The following PTPRC variants were observed in gnomAD, a reference collection of about 807,000 sequenced individuals.
The protein encoded by PTPRC is protein tyrosine phosphatase receptor type C, also known as receptor-type tyrosine-protein phosphatase C.
Under a neutral mutation model 155.9 loss-of-function variants are expected in PTPRC, and 44 were observed. The observed-to-expected ratio is 0.28, with a 90% CI of 0.22 to 0.36. The LOEUF (loss-of-function observed/expected upper bound fraction) is 0.36. PTPRC is among the 10% of genes least tolerant of loss of function. The pLI is 1.00. For missense variants in PTPRC, 1,401 were observed against 1,564.6 expected (o/e 0.90, Z 1.76); for synonymous variants, 525 against 533.1 (o/e 0.98, Z 0.21).
intron 10 of PTPRC, among the ~76,000 whole-genome samples, chr1:198,709,152 T>C (rs1000536253): frequency 6.6e-6 from 1 of 152,208 alleles, no homozygotes; most frequent in Non-Finnish European, 1.5e-5. Context: ...AGATTGGGCA[T>C]CCCTAATCTG....
At chr1:198,679,917 C>T (rs1665204334) in intron 2 of PTPRC, 3 of 608,246 alleles carry the variant, frequency 4.9e-6, no homozygotes, top group African/African-American at 3.8e-5. Flanking sequence ...CCTAGGTGGG[C>T]GTCAGCACTT....
chr1:198,755,047 G>A (rs1456588163), intron 32 of PTPRC, among the ~76,000 whole-genome samples: 2 of 152,096 alleles, frequency 1.3e-5, no homozygotes, highest in African/African-American at 4.8e-5. Context: ...ACTTGTGTGA[G>A]ACCACTTGAG....
intron 2 of PTPRC, among the ~76,000 whole-genome samples, chr1:198,662,503 AC>A (rs1200498341): frequency 2.0e-4 from 30 of 151,386 alleles, no homozygotes; most frequent in African/African-American, 7.0e-4. Context: ...TAAACATGAG[AC>A]CATATTAGTA....
intron 2 of PTPRC, among the ~76,000 whole-genome samples, chr1:198,688,287 A>T (rs1011814419): frequency 4.6e-5 from 7 of 152,194 alleles, no homozygotes; most frequent in African/African-American, 1.4e-4. Flanking sequence ...GCATGAACAT[A>T]GAAGAAAGGA....
chr1:198,655,858 C>G (rs1307355379), intron 2 of PTPRC, among the ~76,000 whole-genome samples: 3 of 152,172 alleles, frequency 2.0e-5, no homozygotes, highest in Admixed American at 6.6e-5. Flanking sequence ...ACCCTAGCCA[C>G]CTTAACTGAA....
intron 14 of PTPRC, among the ~76,000 whole-genome samples, chr1:198,719,675 A>G (rs1386709610): frequency 6.6e-6 from 1 of 151,666 alleles, no homozygotes; most frequent in African/African-American, 2.4e-5. Flanking sequence ...TGGTGGCGTG[A>G]TCTCGGCTCA....
chr1:198,670,507 T>C (rs1664582566), intron 2 of PTPRC, among the ~76,000 whole-genome samples: 2 of 152,134 alleles, frequency 1.3e-5, no homozygotes, highest in African/African-American at 2.4e-5. Context: ...ATATATAATA[T>C]ACCCCAGAAA....
chr1:198,717,979 T>A (rs1653676135), intron 13 of PTPRC, 115 bp from the exon 14 acceptor site: 8 of 879,660 alleles, frequency 9.1e-6, no homozygotes, highest in South Asian at 8.9e-5. Flanking sequence ...AACTTCCTTA[T>A]TTATAACCCC....
chr1:198,652,290 G>T (rs1663295013), intron 2 of PTPRC, among the ~76,000 whole-genome samples: 1 of 151,760 alleles, frequency 6.6e-6, no homozygotes, highest in African/African-American at 2.4e-5. Context: ...ACTAGAAAGG[G>T]AGGGAGGGAG....
At position 198,705,966 on chromosome 1, in the gene PTPRC, G is replaced by A. The variant is rs1435767715; in HGVS notation, c.686-768G>A. ...ATTTCCTGCATAATCTTATTTTAGA[G>A]GTTTGTATGTCTCCTGCAATTCATG... On this transcript the variant is annotated intron_variant, in intron 8 of 32. Coordinates refer to ENST00000442510, the MANE Select transcript of PTPRC (RefSeq NM_002838.5). Among the ~76,000 whole-genome samples the A allele has an allele frequency of 2.0e-5, 3 of 152,068 alleles. No homozygotes were observed. In the South Asian group the frequency reaches 6.2e-4, roughly 31 times the overall value.
At chr1:198,654,763 A>G (rs1044926307) in intron 2 of PTPRC, among the ~76,000 whole-genome samples, 1 of 151,920 alleles carries the variant, frequency 6.6e-6, no homozygotes. Context: ...ATAGTAATAA[A>G]TATGTATAAC....
Position 198,699,396 on chromosome 1 carries a change from T to A in PTPRC, c.299-168T>A, listed in dbSNP as rs190115265. On this transcript the variant is annotated intron_variant, in intron 4 of 32. Coordinates refer to ENST00000442510, the MANE Select transcript of PTPRC (RefSeq NM_002838.5). ...TGTAAATAGAGGACTCAGGTGCCTG[T>A]CACTTTCCAGCCAAGCAAATTTAAA... 2.2e-3 allele frequency among the ~76,000 whole-genome samples: 340 copies of A among 152,342 alleles called. 1 individual carries two copies. Among genetic ancestry groups the A allele is most frequent in the African/African-American group, 7.6e-3 (314 of 41,578 alleles).
chr1:198,683,756 T>C (rs957509502), intron 2 of PTPRC, among the ~76,000 whole-genome samples: 9 of 152,080 alleles, frequency 5.9e-5, no homozygotes, highest in Non-Finnish European at 1.3e-4. Flanking sequence ...AGGATTGATA[T>C]TTTTTCTTCC....
Position 198,756,104 on chromosome 1 carries a change from G to A in PTPRC, c.3844G>A (p.Glu1282Lys). ...AGCAAAGGAACAGGCTGAAGGTTCTGAACCCACGAGTGGCACTGAGGGGCC... is the reference window on the plus strand; with the variant it reads ...AGCAAAGGAACAGGCTGAAGGTTCTAAACCCACGAGTGGCACTGAGGGGCC... ...PEAKEQAEGS[E>K]PTSGTEGPEH... The change falls in exon 33 of 33, where the codon GAA (glutamate) becomes AAA (lysine). Residue 1282 changes from glutamate (E) to lysine (K), a missense_variant. Coordinates refer to ENST00000442510, the MANE Select transcript of PTPRC (RefSeq NM_002838.5). 6.2e-7 allele frequency: 1 copy of A among 1,613,400 alleles called. No individual in the cohort carries two copies. Among genetic ancestry groups the A allele is most frequent in the Non-Finnish European group, 8.5e-7 (1 of 1,179,648 alleles).
chr1:198,718,772 A>G (rs751139708), intron 14 of PTPRC, among the ~76,000 whole-genome samples: 38 of 152,150 alleles, frequency 2.5e-4, no homozygotes, highest in Admixed American at 3.3e-4. Flanking sequence ...CTGTCTACTG[A>G]TCGTATTTTG....
rs147771241 is a variant in PTPRC at position 198,755,351 on chromosome 1, A to AATC, written c.3646-552_3646-550dup. ...ACTCACTAAAATATATAAAGCTTTT[A>AATC]ATCATGTATGATATTGAGATTTCAT... On this transcript the variant is annotated intron_variant, in intron 32 of 32. Transcript: ENST00000442510. Among the ~76,000 whole-genome samples the AATC allele has an allele frequency of 9.8e-3, 1,493 of 152,218 alleles. 27 individuals are homozygous for AATC. The highest frequency in any genetic ancestry group is 0.034 in the African/African-American group (1,428 of 41,560).
chr1:198,747,982 C>A, intron 26 of PTPRC, 127 bp from the exon 27 acceptor site: 1 of 1,389,990 alleles, frequency 7.2e-7, no homozygotes, highest in Non-Finnish European at 9.7e-7. Context: ...AAAATTATGG[C>A]CTATAGGGAG....
intron 18 of PTPRC, among the ~76,000 whole-genome samples, 163 bp downstream of exon 18, chr1:198,731,889 C>T (rs1335076615): frequency 2.0e-5 from 3 of 151,922 alleles, no homozygotes; most frequent in Admixed American, 2.0e-4. Flanking sequence ...AAGAGAGACT[C>T]ATAGAGGTTG....
intron 15 of PTPRC, among the ~76,000 whole-genome samples, chr1:198,723,517 G>A (rs1167270167): frequency 6.6e-6 from 1 of 152,116 alleles, no homozygotes; most frequent in Non-Finnish European, 1.5e-5. Flanking sequence ...AAAAAGTCCA[G>A]CAAGATAGCT....
Sources: allele counts gnomAD v4.1 joint callset (sites outside exome capture counted in the v4.1 genomes callset), GRCh38; gene constraint gnomAD v4.1.1; transcripts MANE v1.5; gene names NCBI Gene and HGNC (gene_info 2026-07-23, HGNC 2026-07-21).